The following OCA2 variants were observed in gnomAD, a reference collection of about 807,000 sequenced individuals.
OCA2 encodes OCA2 melanosomal transmembrane protein.
Under a neutral mutation model 100.2 loss-of-function variants are expected in OCA2, and 77 were observed. That is an observed-to-expected ratio of 0.77 (90% confidence interval 0.64 to 0.93). OCA2 has a LOEUF of 0.93. Ranked by LOEUF, OCA2 falls within the 40% of genes least tolerant of loss-of-function variation. The probability of loss-of-function intolerance (pLI) is 0.00; values close to 1 mark genes in which losing one functional copy is unlikely to be tolerated. For missense variants in OCA2, 1,062 were observed against 1,089.1 expected (o/e 0.98, Z 0.35); for synonymous variants, 432 against 439.2 (o/e 0.98, Z 0.21).
intron 14 of OCA2, among the ~76,000 whole-genome samples, chr15:27,974,974 A>C (rs992318138): frequency 2.0e-5 from 3 of 152,174 alleles, no homozygotes; most frequent in Non-Finnish European, 2.9e-5. Context: ...ATCGTATTTA[A>C]AACCTGGATA....
chr15:27,985,050 G>A lies in OCA2; in HGVS notation c.1364+14C>T. 1 of 1,613,782 alleles carries A rather than the reference G, an allele frequency of 6.2e-7. No individual in the cohort carries two copies. Among genetic ancestry groups the A allele is most frequent in the Non-Finnish European group, 8.5e-7 (1 of 1,179,842 alleles). ...ACCTGGCCGCAACTCCCACGGCAGA[G>A]GTGCTTTGCGTACCTTATGGTCACA... On this transcript the variant is annotated intron_variant, in intron 13 of 23. Transcript: ENST00000354638.
At chr15:27,933,299 A>G (rs2703959) in intron 18 of OCA2, among the ~76,000 whole-genome samples, 6,494 of 152,182 alleles carry the variant, frequency 0.043, 473 homozygotes, top group African/African-American at 0.15. Flanking sequence ...CAAAAGTGAA[A>G]AAAAGCAGAA....
chr15:28,001,982 CAG>C (rs1333584377), intron 9 of OCA2, among the ~76,000 whole-genome samples: 1 of 152,210 alleles, frequency 6.6e-6, no homozygotes, highest in Non-Finnish European at 1.5e-5. Flanking sequence ...ATAAGTACAA[CAG>C]AGTGGGCTGT....
At chr15:27,790,386 A>C (rs1413814616) in intron 23 of OCA2, among the ~76,000 whole-genome samples, 1 of 152,224 alleles carries the variant, frequency 6.6e-6, no homozygotes, top group Non-Finnish European at 1.5e-5. Context: ...GGTGAGAGAA[A>C]TGAAAACATA....
chr15:27,812,173 C>T (rs2034105768), intron 23 of OCA2, among the ~76,000 whole-genome samples: 2 of 152,192 alleles, frequency 1.3e-5, no homozygotes, highest in Non-Finnish European at 2.9e-5. Context: ...TCAGCGGCTT[C>T]CAGCAGGACA....
At chr15:27,722,678 TTC>T in the OCA2 span, among the ~76,000 whole-genome samples, 1 of 148,796 alleles carries the variant, frequency 6.7e-6, no homozygotes, top group Non-Finnish European at 1.5e-5. Context: ...TTTCTTTTCT[TTC>T]TTTCTTTCTC....
In OCA2 at chr15:27,883,237, G is replaced by C. The variant is rs1438295289; in HGVS notation, c.2080-11315C>G. Among the ~76,000 whole-genome samples, 7 of 152,148 alleles carry C rather than the reference G, an allele frequency of 4.6e-5. No individual in the cohort carries two copies. The East Asian group carries it at 1.3e-3, about 29-fold the overall frequency. On this transcript the variant is annotated intron_variant, in intron 19 of 23. Transcript: ENST00000354638. ...TGGCTCTAGGGAGAAATCCAGGAGAGAAGAAAACAGGAAAACCACCCCGAG... is the reference window on the plus strand; with the variant it reads ...TGGCTCTAGGGAGAAATCCAGGAGACAAGAAAACAGGAAAACCACCCCGAG...
intron 10 of OCA2, among the ~76,000 whole-genome samples, chr15:27,990,265 G>C (rs1185405846): frequency 6.6e-6 from 1 of 152,104 alleles, no homozygotes; most frequent in African/African-American, 2.4e-5. Flanking sequence ...GTCCCCTCTA[G>C]TTCCAACACC....
downstream of OCA2, among the ~76,000 whole-genome samples, chr15:27,754,504 A>G (rs886429272): frequency 6.6e-6 from 1 of 152,238 alleles, no homozygotes; most frequent in African/African-American, 2.4e-5. Flanking sequence ...CTGATGAGGC[A>G]GAGCAGAGGA....
At chr15:27,837,253 G>A (rs2151341080) in intron 23 of OCA2, among the ~76,000 whole-genome samples, 1 of 152,194 alleles carries the variant, frequency 6.6e-6, no homozygotes, top group East Asian at 1.9e-4. Context: ...CCTTGGGCAT[G>A]GCAGAAAGAA....
intron 17 of OCA2, among the ~76,000 whole-genome samples, chr15:27,954,247 G>A (rs1382532633): frequency 2.6e-5 from 4 of 151,926 alleles, no homozygotes; most frequent in African/African-American, 4.8e-5. Context: ...TGTAGTCCTC[G>A]TCCAGGTGTA....
intron 23 of OCA2, among the ~76,000 whole-genome samples, chr15:27,829,588 T>G (rs2034874784): frequency 6.6e-6 from 1 of 152,178 alleles, no homozygotes; most frequent in Non-Finnish European, 1.5e-5. Context: ...AACAGCAACA[T>G]GGAGTTTCCA....
the OCA2 span, among the ~76,000 whole-genome samples, chr15:27,721,992 C>T: frequency 6.6e-6 from 1 of 152,208 alleles, no homozygotes; most frequent in Non-Finnish European, 1.5e-5. Context: ...ACATTTGTAT[C>T]TATTGCAAGA....
chr15:27,758,426 T>C (rs1460328027), intron 23 of OCA2, among the ~76,000 whole-genome samples: 1 of 152,188 alleles, frequency 6.6e-6, no homozygotes, highest in African/African-American at 2.4e-5. Context: ...GCCCCTCTCC[T>C]GTGGTAACAG....
intron 21 of OCA2, among the ~76,000 whole-genome samples, chr15:27,865,126 A>C (rs1236210159): frequency 6.6e-6 from 1 of 151,894 alleles, no homozygotes; most frequent in Non-Finnish European, 1.5e-5. Flanking sequence ...CCCAAGCTGA[A>C]GACACGCTTG....
At chr15:28,005,318 T>A (rs1053543321) in intron 9 of OCA2, among the ~76,000 whole-genome samples, 2 of 151,720 alleles carry the variant, frequency 1.3e-5, no homozygotes, top group Non-Finnish European at 1.5e-5. Context: ...AGCCCACATC[T>A]CCCCAAGCTC....
chr15:27,929,465 C>T (rs990456958), intron 18 of OCA2, among the ~76,000 whole-genome samples: 3 of 152,110 alleles, frequency 2.0e-5, no homozygotes, highest in Non-Finnish European at 4.4e-5. Flanking sequence ...CTTTGATCTG[C>T]TCACTAATCA....
intron 1 of OCA2, among the ~76,000 whole-genome samples, chr15:28,082,355 A>G (rs2044668613): frequency 6.6e-6 from 1 of 152,144 alleles, no homozygotes; most frequent in Non-Finnish European, 1.5e-5. Flanking sequence ...TTCACAGTAA[A>G]TCTTGCTGCT....
At chr15:27,901,314 C>T (rs1344890370) in intron 19 of OCA2, among the ~76,000 whole-genome samples, 2 of 152,244 alleles carry the variant, frequency 1.3e-5, no homozygotes, top group Non-Finnish European at 2.9e-5. Context: ...TTCTCCCCAG[C>T]CCTGCTGCTG....
Sources: allele counts gnomAD v4.1 joint callset (sites outside exome capture counted in the v4.1 genomes callset), GRCh38; gene constraint gnomAD v4.1.1; transcripts MANE v1.5; gene names NCBI Gene and HGNC (gene_info 2026-07-23, HGNC 2026-07-21).